Variants in ANKH observed in about 807,000 individuals in gnomAD.
ANKH encodes the protein ANKH inorganic pyrophosphate transport regulator.
In ANKH, 15 loss-of-function variants were observed where a neutral mutation model predicts 49.0. The ratio of observed to expected loss-of-function variants is 0.31; its 90% CI spans 0.20 to 0.47. The LOEUF is 0.47. Ranked by LOEUF, ANKH falls within the 20% of genes least tolerant of loss-of-function variation. ANKH has a pLI of 1.00. For missense variants in ANKH, 429 were observed against 652.0 expected, an observed-to-expected ratio of 0.66 and a Z score of 3.72; for synonymous variants, 273 against 260.0, an observed-to-expected ratio of 1.05 and a Z score of -0.48.
intron 2 of ANKH, among the ~76,000 whole-genome samples, chr5:14,758,803 A>C (rs1738984244): frequency 6.6e-6 from 1 of 152,166 alleles, no homozygotes; most frequent in East Asian, 1.9e-4. Context: ...GGTTCTAATC[A>C]CCAAGTTCTT....
At chr5:14,815,691 C>A (rs1252917117) in intron 1 of ANKH, among the ~76,000 whole-genome samples, 1 of 152,088 alleles carries the variant, frequency 6.6e-6, no homozygotes, top group Non-Finnish European at 1.5e-5. Context: ...TCCCAGGGCA[C>A]CCCAGACAAA....
chr5:14,792,211 A>T (rs1740191897), intron 1 of ANKH, among the ~76,000 whole-genome samples: 1 of 152,166 alleles, frequency 6.6e-6, no homozygotes, highest in African/African-American at 2.4e-5. Flanking sequence ...TCTAGAGTCG[A>T]GTCCCATTAT....
chr5:14,866,288 G>A (rs554162260), intron 1 of ANKH, among the ~76,000 whole-genome samples: 12 of 152,328 alleles, frequency 7.9e-5, no homozygotes, highest in African/African-American at 2.9e-4. Context: ...TTACAGGCGT[G>A]AGCCACCGCG....
chr5:14,730,442 G>A (rs1737960179), intron 8 of ANKH, among the ~76,000 whole-genome samples: 1 of 152,186 alleles, frequency 6.6e-6, no homozygotes, highest in Non-Finnish European at 1.5e-5. Flanking sequence ...ACTCTCAGAA[G>A]ACAAATTCTC....
chr5:14,755,841 G>C lies in ANKH; in HGVS notation c.516+20C>G. ...AAGGGGACTCTGAGGAGCTCTGATT[G>C]ACACACAGACCATATTTACCTGAGC... On this transcript the variant is annotated intron_variant, in intron 4 of 11. Coordinates refer to ENST00000284268, the MANE Select transcript of ANKH (RefSeq NM_054027.6). 6.2e-7 allele frequency: 1 copy of C among 1,609,574 alleles called. No homozygotes were observed. The highest frequency in any genetic ancestry group is 8.5e-7 in the Non-Finnish European group (1 of 1,175,922).
chr5:14,866,864 G>A (rs1243685698), intron 1 of ANKH, among the ~76,000 whole-genome samples: 1 of 152,092 alleles, frequency 6.6e-6, no homozygotes, highest in East Asian at 1.9e-4. Flanking sequence ...TCCTACATCT[G>A]TTGAGTTTTT....
At chr5:14,837,086 A>G (rs1741677723) in intron 1 of ANKH, among the ~76,000 whole-genome samples, 2 of 152,316 alleles carry the variant, frequency 1.3e-5, no homozygotes, top group Middle Eastern at 3.4e-3. Flanking sequence ...CTGAAACTGG[A>G]TCCCTTCCTT....
At chr5:14,858,179 T>C (rs1735337463) in intron 1 of ANKH, among the ~76,000 whole-genome samples, 1 of 152,092 alleles carries the variant, frequency 6.6e-6, no homozygotes, top group Non-Finnish European at 1.5e-5. Context: ...GTACAGGTGG[T>C]TTTTGCTTAC....
chr5:14,826,333 G>T (rs375857777), intron 1 of ANKH, among the ~76,000 whole-genome samples: 7 of 152,320 alleles, frequency 4.6e-5, no homozygotes, highest in African/African-American at 1.7e-4. Context: ...AGAAAACAGA[G>T]TTGGTGACTA....
At chr5:14,741,591 T>G (rs775324777) in intron 8 of ANKH, 2 of 514,934 alleles carry the variant, frequency 3.9e-6, no homozygotes, top group East Asian at 7.0e-5. Flanking sequence ...TCTTCCTTTC[T>G]GCAGCATTTG....
At chr5:14,869,673 A>C (rs1735759605) in intron 1 of ANKH, 1 of 152,228 alleles carries the variant, frequency 6.6e-6, no homozygotes, top group Non-Finnish European at 1.5e-5. Flanking sequence ...TCTTATACTA[A>C]AATCAAACCT....
Position 14,770,488 on chromosome 5 carries a change from A to C in ANKH, c.97-1297T>G, listed in dbSNP as rs1739398530. ...TTTAATTTATAAATTAGGCACAGTA[A>C]GAGATTAACAACAATAATAATCAAA... On this transcript the variant is annotated intron_variant, in intron 1 of 11. Transcript: ENST00000284268. This position sits in a 1 kb window ranked among gnomAD's most constrained non-coding sequence, Gnocchi z 4.1. Among the ~76,000 whole-genome samples, 1 of 152,210 alleles carries C rather than the reference A, an allele frequency of 6.6e-6. No homozygotes were observed. The highest frequency in any genetic ancestry group is 2.4e-5 in the African/African-American group (1 of 41,448).
intron 1 of ANKH, among the ~76,000 whole-genome samples, chr5:14,807,404 G>A (rs527862490): frequency 7.9e-5 from 12 of 152,120 alleles, no homozygotes; most frequent in African/African-American, 2.4e-4. Context: ...CATGAGCCAC[G>A]GCACCCAGGC....
chr5:14,834,312 T>C lies in ANKH; in HGVS notation c.96+37040A>G, dbSNP rs181681663. The stretch of plus-strand genomic sequence containing the variant: ...CATTGGTAAATGCTCAGTCTCTGAA[T>C]GGTCTGGAGTGATGAGGCCTCCACA... On this transcript the variant is annotated intron_variant, in intron 1 of 11. Coordinates refer to ENST00000284268, the MANE Select transcript of ANKH (RefSeq NM_054027.6). 4.7e-4 allele frequency among the ~76,000 whole-genome samples: 72 copies of C among 152,284 alleles called. 1 individual carries two copies. Among genetic ancestry groups the C allele is most frequent in the African/African-American group, 1.2e-3 (49 of 41,564 alleles).
intron 7 of ANKH, 137 bp from the exon 8 acceptor site, chr5:14,742,059 C>T (rs750127315): frequency 1.3e-4 from 95 of 717,154 alleles, no homozygotes; most frequent in Middle Eastern, 3.5e-4. Flanking sequence ...GTTTGCCAGG[C>T]GGCTGTCATG....
At chr5:14,740,012 G>A (rs761106225) in intron 8 of ANKH, among the ~76,000 whole-genome samples, 63 of 152,040 alleles carry the variant, frequency 4.1e-4, no homozygotes, top group Non-Finnish European at 3.2e-4. Flanking sequence ...ATTTTTTTTA[G>A]AAGTATAAAT....
intron 1 of ANKH, among the ~76,000 whole-genome samples, chr5:14,842,356 G>A (rs1022294121): frequency 5.9e-5 from 9 of 152,130 alleles, no homozygotes; most frequent in African/African-American, 1.9e-4. Flanking sequence ...CATACCTGAC[G>A]GTCAAGGACA....
At chr5:14,742,532 T>C (rs1738394667) in intron 7 of ANKH, among the ~76,000 whole-genome samples, 1 of 152,184 alleles carries the variant, frequency 6.6e-6, no homozygotes, top group Non-Finnish European at 1.5e-5. Flanking sequence ...CTAAGGCCCA[T>C]CATCTTCACT....
chr5:14,721,496 C>T (rs1737657399), intron 8 of ANKH, among the ~76,000 whole-genome samples: 1 of 152,218 alleles, frequency 6.6e-6, no homozygotes, highest in African/African-American at 2.4e-5. Flanking sequence ...TTCTTCCTCC[C>T]TGAAGTCTCT....
Sources: allele counts gnomAD v4.1 joint callset (sites outside exome capture counted in the v4.1 genomes callset), GRCh38; gene constraint gnomAD v4.1.1; non-coding constraint Gnocchi (gnomAD v3.1); transcripts MANE v1.5; gene names NCBI Gene and HGNC (gene_info 2026-07-23, HGNC 2026-07-21).